KIF13B: variants seen among roughly 807,000 people sequenced by gnomAD.
KIF13B encodes the protein kinesin-like protein KIF13B.
A neutral mutation model predicts 222.0 loss-of-function variants in KIF13B; 127 were observed. The observed-to-expected ratio is 0.57, with a 90% CI of 0.50 to 0.66. KIF13B has a LOEUF of 0.66. Ranked by LOEUF, KIF13B falls within the 30% of genes least tolerant of loss-of-function variation. KIF13B has a pLI of 0.00. For missense variants in KIF13B, 2,173 were observed against 2,379.0 expected (o/e 0.91, Z 1.80); for synonymous variants, 976 against 919.0 (o/e 1.06, Z -1.12).
chr8:29,100,505 G>T (rs945382988), intron 35 of KIF13B, among the ~76,000 whole-genome samples: 12 of 151,598 alleles, frequency 7.9e-5, no homozygotes, highest in African/African-American at 2.9e-4. Flanking sequence ...TTTCATTGGC[G>T]CAATCTCGGC....
chr8:29,149,170 C>T (rs976533397), intron 15 of KIF13B, among the ~76,000 whole-genome samples: 1 of 152,080 alleles, frequency 6.6e-6, no homozygotes. Context: ...GGTAAAACAA[C>T]GGGATATTCA....
At chr8:29,174,645 C>T (rs931316658) in intron 10 of KIF13B, among the ~76,000 whole-genome samples, 52 of 152,076 alleles carry the variant, frequency 3.4e-4, no homozygotes, top group Non-Finnish European at 4.4e-5. Flanking sequence ...CCTTTACAAG[C>T]GGTTTTAATT....
intron 13 of KIF13B, among the ~76,000 whole-genome samples, chr8:29,157,343 C>A (rs2084272880): frequency 6.9e-6 from 1 of 144,182 alleles, no homozygotes; most frequent in African/African-American, 2.6e-5. Flanking sequence ...TCGCTTGAAC[C>A]TAGGAGATCA....
intron 14 of KIF13B, 139 bp from the exon 15 acceptor site, chr8:29,150,522 T>C: frequency 1.7e-6 from 1 of 576,956 alleles, no homozygotes; most frequent in Non-Finnish European, 3.1e-6. Flanking sequence ...TGAATTTTAA[T>C]ATTTGCATTT....
rs958965897 is a variant in KIF13B, at chr8:29,201,496, T to G, written c.150-5297A>C. ...GTCCATGACACAAAAAAAATTGATATTGGGTCCAAAAGTAAACCACACAGT... is the reference window on the plus strand; with the variant it reads ...GTCCATGACACAAAAAAAATTGATAGTGGGTCCAAAAGTAAACCACACAGT... On this transcript the variant is annotated intron_variant, in intron 2 of 39. Transcript: ENST00000524189. 1.8e-4 allele frequency among the ~76,000 whole-genome samples: 27 copies of G among 152,342 alleles called. 1 individual carries two copies. In the South Asian group the frequency reaches 4.6e-3, roughly 26 times the overall value.
intron 24 of KIF13B, among the ~76,000 whole-genome samples, chr8:29,128,421 C>A (rs1810207759): frequency 6.6e-6 from 1 of 152,224 alleles, no homozygotes; most frequent in African/African-American, 2.4e-5. Context: ...TCAGCTCAGG[C>A]AACCACTGAT....
chr8:29,077,669 T>C (rs1276831392), intron 37 of KIF13B, among the ~76,000 whole-genome samples: 1 of 152,158 alleles, frequency 6.6e-6, no homozygotes, highest in African/African-American at 2.4e-5. Context: ...AAATAGAACA[T>C]GCAAACAAGT....
chr8:29,231,363 A>G (rs1815277977), intron 2 of KIF13B, among the ~76,000 whole-genome samples: 1 of 152,244 alleles, frequency 6.6e-6, no homozygotes, highest in Non-Finnish European at 1.5e-5. Context: ...CTAACACGAA[A>G]TCATACCAAA....
At chr8:29,133,945 T>G in intron 22 of KIF13B, 95 bp downstream of exon 22, 1 of 1,221,746 alleles carries the variant, frequency 8.2e-7, no homozygotes, top group South Asian at 1.5e-5. Context: ...CCAAGACATA[T>G]AACGGCACAT....
intron 30 of KIF13B, 138 bp downstream of exon 30, chr8:29,118,730 G>T: frequency 2.5e-6 from 2 of 811,910 alleles, no homozygotes; most frequent in Non-Finnish European, 3.9e-6. Context: ...TCTTCTGGAA[G>T]TCATGATGAA....
chr8:29,148,888 G>A (rs562215665), intron 15 of KIF13B, 121 bp from the exon 16 acceptor site: 60 of 700,264 alleles, frequency 8.6e-5, no homozygotes, highest in Admixed American at 1.5e-4. Context: ...GGCAATTACT[G>A]TACTCAGGAA....
At chr8:29,092,263 A>G (rs1808334426) in intron 37 of KIF13B, among the ~76,000 whole-genome samples, 1 of 152,218 alleles carries the variant, frequency 6.6e-6, no homozygotes, top group South Asian at 2.1e-4. Flanking sequence ...AGAGCTGGGT[A>G]AAGAGTTTTA....
intron 2 of KIF13B, among the ~76,000 whole-genome samples, chr8:29,216,924 A>G (rs1013891633): frequency 1.3e-5 from 2 of 151,736 alleles, no homozygotes; most frequent in Non-Finnish European, 2.9e-5. Flanking sequence ...CCCTTTCTCC[A>G]TATCTGGGCC....
intron 35 of KIF13B, among the ~76,000 whole-genome samples, chr8:29,105,716 T>C (rs1809034843): frequency 7.9e-6 from 1 of 126,286 alleles, no homozygotes; most frequent in Non-Finnish European, 1.6e-5. Context: ...TGGAGTGCAG[T>C]GGCACGATCT....
chr8:29,107,712 C>T (rs1260936924), intron 35 of KIF13B, among the ~76,000 whole-genome samples: 4 of 152,090 alleles, frequency 2.6e-5, no homozygotes, highest in Admixed American at 6.5e-5. Context: ...AGGTGCCCGC[C>T]ACCTCGCCTG....
At chr8:29,136,027 A>C (rs1400177475) in intron 21 of KIF13B, among the ~76,000 whole-genome samples, 2 of 152,204 alleles carry the variant, frequency 1.3e-5, no homozygotes, top group Admixed American at 1.3e-4. Context: ...GTTATAATTC[A>C]TCTTTTCTGT....
intron 1 of KIF13B, among the ~76,000 whole-genome samples, chr8:29,262,337 T>C (rs1816708172): frequency 6.6e-6 from 1 of 152,148 alleles, no homozygotes; most frequent in South Asian, 2.1e-4. Context: ...AGATGATGAA[T>C]GAGACTTCAG....
intron 2 of KIF13B, among the ~76,000 whole-genome samples, chr8:29,224,373 TG>T (rs986907370): frequency 2.0e-5 from 3 of 152,128 alleles, no homozygotes; most frequent in Non-Finnish European, 2.9e-5. Flanking sequence ...TATATAGAAG[TG>T]TAAATCACTG....
In KIF13B at chr8:29,116,938, C is replaced by T; in HGVS notation, c.3730G>A (p.Asp1244Asn). ...CPQLSRGTPV[D>N]ERLFLIVRVT... is the part of the protein sequence containing the mutation. The stretch of plus-strand genomic sequence containing the variant: ...CGCACGATCAGGAACAACCGCTCGT[C>T]CACGGGCGTGCCCCTGCTGAGCTGA... The change falls in exon 31 of 40, where the codon GAC becomes AAC. Residue 1244 changes from aspartate to asparagine, a missense_variant. Physicochemically the swap from Asp to Asn is conservative, Grantham distance 23 (BLOSUM62 1). Transcript: ENST00000524189. The T allele has an allele frequency of 1.2e-6, 2 of 1,613,048 alleles. No individual in the cohort carries two copies. Among genetic ancestry groups the T allele is most frequent in the Non-Finnish European group, 1.7e-6 (2 of 1,179,230 alleles).
Sources: gnomAD v4.1 joint callset for allele counts (sites outside exome capture counted in the v4.1 genomes callset) on GRCh38, gnomAD v4.1.1 for gene constraint, MANE v1.5 for transcripts, NCBI Gene and HGNC (gene_info 2026-07-23, HGNC 2026-07-21) for gene names.